Variants in KANSL2 observed in about 807,000 individuals in gnomAD.
KANSL2 encodes the protein NSL complex protein NSL2.
In KANSL2, 34 loss-of-function variants were observed where a neutral mutation model predicts 55.6. That is an observed-to-expected ratio of 0.61 (90% confidence interval 0.46 to 0.81). The LOEUF is 0.81. Among genes scored for constraint, KANSL2 ranks in the 40% least tolerant of loss-of-function variants. The pLI is 0.00. For missense variants in KANSL2, 502 were observed against 609.9 expected (o/e 0.82, Z 1.86); for synonymous variants, 209 against 214.3 (o/e 0.98, Z 0.22).
At position 48,660,399 on chromosome 12, in the gene KANSL2, C is replaced by G; in HGVS notation, c.1194G>C (p.Gln398His). The change falls in exon 8 of 10, where the codon CAG becomes CAC. Residue 398 changes from glutamine (Q) to histidine (H), a missense_variant. Gln to His is a conservative substitution (Grantham distance 24). Coordinates refer to ENST00000420613, the MANE Select transcript of KANSL2 (RefSeq NM_017822.4). ...ACTCCAGAGGTAAACTCTCAGTGGG[C>G]TGAAGCTCAGCAGCACTCAAGTACA... ...MDLYLSAAEL[Q>H]PTESLPLEFS... The G allele has an allele frequency of 6.2e-7, 1 of 1,613,950 alleles. No homozygotes were observed. Among genetic ancestry groups the G allele is most frequent in the Non-Finnish European group, 8.5e-7 (1 of 1,179,850 alleles).
intron 3 of KANSL2, 145 bp downstream of exon 3, chr12:48,679,510 T>C: frequency 1.5e-6 from 1 of 687,516 alleles, no homozygotes; most frequent in South Asian, 2.0e-5. Flanking sequence ...AAAGAACTGG[T>C]AAACAACAAA....
chr12:48,664,879 C>CAT (rs1939563412), intron 7 of KANSL2, among the ~76,000 whole-genome samples: 1 of 94,660 alleles, frequency 1.1e-5, no homozygotes, highest in African/African-American at 4.2e-5. Context: ...ACTGCGCCCG[C>CAT]TTTTTTTTTT....
At chr12:48,655,969 A>C (rs1258490756) in intron 8 of KANSL2, among the ~76,000 whole-genome samples, 1 of 152,200 alleles carries the variant, frequency 6.6e-6, no homozygotes, top group Non-Finnish European at 1.5e-5. Context: ...TTTTACTACA[A>C]TTAAAAAAAT....
intron 4 of KANSL2, among the ~76,000 whole-genome samples, chr12:48,677,716 C>T (rs899090189): frequency 8.2e-6 from 1 of 122,426 alleles, no homozygotes; most frequent in East Asian, 2.9e-4. Context: ...ACCTGGGAGG[C>T]GGAGGTTGCA....
At chr12:48,657,411 C>G (rs549457790) in intron 8 of KANSL2, among the ~76,000 whole-genome samples, 1 of 152,066 alleles carries the variant, frequency 6.6e-6, no homozygotes, top group East Asian at 1.9e-4. Context: ...GGCAACAGAG[C>G]AAGACTCTGT....
At chr12:48,657,240 C>G (rs914139750) in intron 8 of KANSL2, among the ~76,000 whole-genome samples, 3 of 152,032 alleles carry the variant, frequency 2.0e-5, no homozygotes, top group African/African-American at 7.2e-5. Context: ...GCCTGGCCAA[C>G]ATGGTGAAAC....
rs371300944 is a variant in KANSL2, at chr12:48,674,143, T to C, written c.546-2181A>G. On this transcript the variant is annotated intron_variant, in intron 4 of 9. Coordinates refer to ENST00000420613, the MANE Select transcript of KANSL2 (RefSeq NM_017822.4). ...TTTTAAGTCAAAAAATTATGCTTTA[T>C]TACTTTTTCGTTTTTAAGACAGAGT... is the stretch of plus-strand genomic sequence containing the variant. Among the ~76,000 whole-genome samples the C allele has an allele frequency of 3.3e-4, 51 of 152,274 alleles. No homozygotes were observed. In the East Asian group the frequency reaches 8.5e-3, roughly 25 times the overall value.
intron 8 of KANSL2, chr12:48,656,890 G>T (rs1939394550): frequency 2.7e-6 from 1 of 373,032 alleles, no homozygotes; most frequent in African/African-American, 2.1e-5. Context: ...TATCCAGGAG[G>T]TTTGTACCCC....
rs372988085 is a variant in KANSL2 at position 48,654,367 on chromosome 12, G to T, written c.1348-192C>A. ...GCCTATTCCTGAGCCTCTTCCAATG[G>T]GATGGTGAGCTGTAGGTTGTTTCTT... On this transcript the variant is annotated intron_variant, in intron 9 of 9. Transcript: ENST00000420613. 152 of 794,686 alleles carry T rather than the reference G, an allele frequency of 1.9e-4. No homozygotes were observed. The African/African-American group carries it at 2.3e-3, about 12-fold the overall frequency. 49.2% of individuals were successfully genotyped at this position (794,686 alleles called of 1,614,324 possible).
chr12:48,681,999 C>A (rs1046860244), intron 1 of KANSL2, 188 bp downstream of exon 1: 10 of 702,874 alleles, frequency 1.4e-5, no homozygotes, highest in Admixed American at 8.0e-5. Context: ...GGCCTGGCCT[C>A]GGAAGCCTAT....
intron 1 of KANSL2, 37 bp downstream of exon 1, chr12:48,682,150 C>T (rs1412255107): frequency 2.8e-6 from 2 of 702,338 alleles, no homozygotes; most frequent in East Asian, 5.4e-5. Flanking sequence ...AGCAGCCCAA[C>T]CGCAAGAGCT....
In KANSL2 at chr12:48,679,931, A is replaced by G. The variant is rs903830280; in HGVS notation, c.252-98T>C. ...CTTTAAATCATTTTTAGGGAATTAA[A>G]ATGACTATTACATTCATTTCTAAAA... On this transcript the variant is annotated intron_variant, in intron 2 of 9. Transcript: ENST00000420613. 6.6e-6 allele frequency: 7 copies of G among 1,061,754 alleles called. No homozygotes were observed. The African/African-American group carries it at 1.1e-4, about 17-fold the overall frequency. 65.8% of individuals were successfully genotyped at this position (1,061,754 alleles called of 1,614,324 possible).
At chr12:48,666,784 G>A (rs1565606521) in intron 7 of KANSL2, among the ~76,000 whole-genome samples, 2 of 151,936 alleles carry the variant, frequency 1.3e-5, no homozygotes, top group African/African-American at 4.8e-5. Flanking sequence ...GGCTGAGGTA[G>A]GAGAATTGCT....
intron 1 of KANSL2, 197 bp downstream of exon 1, chr12:48,681,990 G>A (rs1362306534): frequency 2.8e-6 from 2 of 702,898 alleles, no homozygotes; most frequent in African/African-American, 1.7e-5. Context: ...GCACGACTGG[G>A]CCTGGCCTCG....
chr12:48,673,484 C>A (rs1014586033), intron 4 of KANSL2, among the ~76,000 whole-genome samples: 1 of 150,962 alleles, frequency 6.6e-6, no homozygotes, highest in East Asian at 1.9e-4. Flanking sequence ...TGCTTGAACC[C>A]GGGAGGCAGA....
chr12:48,676,451 G>C (rs1312535765), intron 4 of KANSL2, among the ~76,000 whole-genome samples: 2 of 152,040 alleles, frequency 1.3e-5, no homozygotes, highest in Non-Finnish European at 2.9e-5. Context: ...CTCAGATCAG[G>C]AGTTCAAGAC....
chr12:48,660,507 C>G lies in KANSL2; in HGVS notation c.1086G>C (p.Leu362=), dbSNP rs748235747. The G allele has an allele frequency of 6.2e-7, 1 of 1,613,662 alleles. No homozygotes were observed. The highest frequency in any genetic ancestry group is 1.7e-5 in the Admixed American group (1 of 59,950). Residue 362 remains leucine (L), a synonymous_variant, in exon 8 of 10, where the codon CTG becomes CTC. Transcript: ENST00000420613. ...ACATCTGAGGAGGCAACTGGAAATGCAGTGGGCAGCAGGGATCCTCAGAGA... is the reference window on the plus strand; with the variant it reads ...ACATCTGAGGAGGCAACTGGAAATGGAGTGGGCAGCAGGGATCCTCAGAGA... ...VSLSEDPCCP[L]HFQLPPQMYK...
At chr12:48,681,335 AC>A (rs1428706922) in intron 2 of KANSL2, 46 bp downstream of exon 2, 5 of 1,549,590 alleles carry the variant, frequency 3.2e-6, no homozygotes, top group Admixed American at 2.0e-5. Flanking sequence ...CATATCACAT[AC>A]CCCCTCGCTT....
At position 48,681,453 on chromosome 12, in the gene KANSL2, CTGCT is replaced by C; in HGVS notation, c.176_179del (p.Lys59SerfsTer44). On this transcript the variant is annotated frameshift_variant, in exon 2 of 10. Coordinates refer to ENST00000420613, the MANE Select transcript of KANSL2 (RefSeq NM_017822.4). LOFTEE classifies it high-confidence loss of function. ...CATTCTTCGTCGATATATAACTACA[CTGCT>C]TGAAGGGTGCATTCTTGTCTTCAAG... The C allele has an allele frequency of 6.2e-7, 1 of 1,613,966 alleles. No individual in the cohort carries two copies. The highest frequency in any genetic ancestry group is 8.5e-7 in the Non-Finnish European group (1 of 1,179,876).
Sources: gnomAD v4.1 joint callset for allele counts (sites outside exome capture counted in the v4.1 genomes callset) on GRCh38, gnomAD v4.1.1 for gene constraint, MANE v1.5 for transcripts, NCBI Gene and HGNC (gene_info 2026-07-23, HGNC 2026-07-21) for gene names.